The following ANTXR2 variants were observed in gnomAD, a reference collection of about 807,000 sequenced individuals.
ANTXR2 encodes ANTXR cell adhesion molecule 2.
A neutral mutation model predicts 73.7 loss-of-function variants in ANTXR2; 44 were observed. The ratio of observed to expected loss-of-function variants is 0.60; its 90% CI spans 0.47 to 0.77. ANTXR2 has a LOEUF of 0.77. Ranked by LOEUF, ANTXR2 falls within the 30% of genes least tolerant of loss-of-function variation. The probability of loss-of-function intolerance (pLI) is 0.00; values close to 1 mark genes in which losing one functional copy is unlikely to be tolerated. For missense variants in ANTXR2, 604 were observed against 592.5 expected, an observed-to-expected ratio of 1.02 and a Z score of -0.20; for synonymous variants, 217 against 205.9, an observed-to-expected ratio of 1.05 and a Z score of -0.46.
intron 16 of ANTXR2, among the ~76,000 whole-genome samples, chr4:79,909,298 T>A (rs567531735): frequency 6.6e-6 from 1 of 152,274 alleles, no homozygotes; most frequent in South Asian, 2.1e-4. Flanking sequence ...TATCACTTAT[T>A]AAATGGATAT....
chr4:79,931,987 T>C (rs145251108), intron 16 of ANTXR2, among the ~76,000 whole-genome samples: 1 of 152,310 alleles, frequency 6.6e-6, no homozygotes, highest in Non-Finnish European at 1.5e-5. Flanking sequence ...TGTACCAAAA[T>C]ATGCCGCCTA....
chr4:79,990,715 C>T (rs1379196194), intron 12 of ANTXR2, among the ~76,000 whole-genome samples: 1 of 152,056 alleles, frequency 6.6e-6, no homozygotes, highest in Admixed American at 6.6e-5. Context: ...AGGCATCACA[C>T]TACCTGTCTT....
At chr4:80,058,063 T>C (rs1241345407) in intron 3 of ANTXR2, among the ~76,000 whole-genome samples, 1 of 152,084 alleles carries the variant, frequency 6.6e-6, no homozygotes, top group Non-Finnish European at 1.5e-5. Context: ...TGAGTGGCAG[T>C]GTGTCTTTGA....
rs117446980 is a variant in ANTXR2 at position 79,998,532 on chromosome 4, A to G, written c.1041+9989T>C. Among the ~76,000 whole-genome samples the G allele has an allele frequency of 1.7e-4, 26 of 152,196 alleles. No homozygotes were observed. The East Asian group carries it at 3.9e-3, about 23-fold the overall frequency. ...GACTGTCATTTCTCCTATCCTGATT[A>G]GTAAAACAAATTTGCTCTTAACTCA... On this transcript the variant is annotated intron_variant, in intron 12 of 16. Coordinates refer to ENST00000403729, the MANE Select transcript of ANTXR2 (RefSeq NM_058172.6).
chr4:79,988,141 C>T (rs189765011), intron 12 of ANTXR2, among the ~76,000 whole-genome samples: 1 of 149,602 alleles, frequency 6.7e-6, no homozygotes, highest in Non-Finnish European at 1.5e-5. Flanking sequence ...GGCTAAGTGT[C>T]CAACTTAAAA....
intron 16 of ANTXR2, among the ~76,000 whole-genome samples, chr4:79,973,970 A>G (rs1729531213): frequency 6.6e-6 from 1 of 152,242 alleles, no homozygotes; most frequent in African/African-American, 2.4e-5. Context: ...GATTTTCTTG[A>G]GTGAAGAATC....
At chr4:79,909,371 T>G (rs1187954050) in intron 16 of ANTXR2, among the ~76,000 whole-genome samples, 19 of 152,178 alleles carry the variant, frequency 1.2e-4, no homozygotes. Flanking sequence ...TAGTGTGTGA[T>G]GACTAGTAAT....
At chr4:80,072,304 T>G in intron 1 of ANTXR2, 105 bp downstream of exon 1, 1 of 1,308,516 alleles carries the variant, frequency 7.6e-7, no homozygotes, top group Non-Finnish European at 1.0e-6. Flanking sequence ...CCTCCGCGGG[T>G]TTCCAACACC....
chr4:80,036,054 G>C, intron 7 of ANTXR2, 22 bp from the exon 8 acceptor site: 1 of 1,379,938 alleles, frequency 7.2e-7, no homozygotes, highest in Non-Finnish European at 9.7e-7. Flanking sequence ...AAAAAAAAAA[G>C]ATTACCAAGC....
intron 12 of ANTXR2, among the ~76,000 whole-genome samples, chr4:79,999,564 T>C (rs998391026): frequency 6.6e-6 from 1 of 152,064 alleles, no homozygotes; most frequent in Admixed American, 6.6e-5. Flanking sequence ...ATAATAATTA[T>C]TCTAAATTAA....
chr4:79,961,976 A>T (rs925838518), intron 16 of ANTXR2, among the ~76,000 whole-genome samples: 7 of 152,194 alleles, frequency 4.6e-5, no homozygotes, highest in African/African-American at 1.7e-4. Context: ...AGGGGAGACA[A>T]CTAAGTACCC....
chr4:80,014,476 G>T (rs1477567886), intron 11 of ANTXR2, among the ~76,000 whole-genome samples: 1 of 152,024 alleles, frequency 6.6e-6, no homozygotes, highest in Non-Finnish European at 1.5e-5. Flanking sequence ...TGAGGCATGA[G>T]AATTGCTTGA....
chr4:79,911,109 T>C (rs1727114767), intron 16 of ANTXR2, among the ~76,000 whole-genome samples: 1 of 152,208 alleles, frequency 6.6e-6, no homozygotes, highest in South Asian at 2.1e-4. Context: ...AGGTCATGGA[T>C]GTTTGGGCTG....
At chr4:79,913,948 T>C (rs572500487) in intron 16 of ANTXR2, among the ~76,000 whole-genome samples, 1 of 152,312 alleles carries the variant, frequency 6.6e-6, no homozygotes, top group East Asian at 1.9e-4. Flanking sequence ...TCCAGATATT[T>C]TCATGCCTGT....
intron 3 of ANTXR2, among the ~76,000 whole-genome samples, chr4:80,062,882 C>T (rs886310116): frequency 1.3e-5 from 2 of 152,156 alleles, no homozygotes; most frequent in East Asian, 1.9e-4. Flanking sequence ...AACATCTGCT[C>T]GAATCCTGAT....
chr4:79,954,579 C>A (rs752694412), intron 16 of ANTXR2, among the ~76,000 whole-genome samples: 4 of 152,036 alleles, frequency 2.6e-5, no homozygotes, highest in Non-Finnish European at 5.9e-5. Context: ...TGCCACTGGA[C>A]TCCAGCCCAG....
intron 16 of ANTXR2, among the ~76,000 whole-genome samples, chr4:79,949,532 T>G (rs1233642430): frequency 1.3e-5 from 2 of 152,194 alleles, no homozygotes; most frequent in African/African-American, 4.8e-5. Context: ...AGAAATGTAC[T>G]GAACAAATCT....
intron 11 of ANTXR2, 103 bp from the exon 12 acceptor site, chr4:80,008,719 T>C: frequency 1.6e-6 from 1 of 644,644 alleles, no homozygotes; most frequent in South Asian, 2.5e-5. Context: ...ATTCAGAAAG[T>C]ATAATGTCAA....
At chr4:79,953,485 C>T (rs1237555183) in intron 16 of ANTXR2, among the ~76,000 whole-genome samples, 1 of 151,954 alleles carries the variant, frequency 6.6e-6, no homozygotes, top group Non-Finnish European at 1.5e-5. Flanking sequence ...TATGACTGTG[C>T]CAACAGTATC....
Sources: allele counts gnomAD v4.1 joint callset (sites outside exome capture counted in the v4.1 genomes callset), GRCh38; gene constraint gnomAD v4.1.1; transcripts MANE v1.5; gene names NCBI Gene and HGNC (gene_info 2026-07-23, HGNC 2026-07-21).